Variants in CNTN4 observed in about 807,000 individuals in gnomAD.
CNTN4 encodes the protein contactin 4, also known as contactin-4.
CNTN4 carries 77 observed loss-of-function variants against 122.5 expected under a neutral mutation model. The observed-to-expected ratio is 0.63, with a 90% CI of 0.52 to 0.76. The LOEUF is 0.76. CNTN4 is among the 30% of genes least tolerant of loss of function. The pLI is 0.00. For missense variants in CNTN4, 1,256 were observed against 1,259.1 expected, an observed-to-expected ratio of 1.00 and a Z score of 0.04; for synonymous variants, 512 against 447.0, an observed-to-expected ratio of 1.15 and a Z score of -1.83.
chr3:2,930,531 G>C (rs904463217), intron 13 of CNTN4, among the ~76,000 whole-genome samples: 3 of 152,192 alleles, frequency 2.0e-5, no homozygotes, highest in Non-Finnish European at 4.4e-5. Flanking sequence ...CATTAATGTT[G>C]AGTAAATAAA....
rs537417717 is a variant in CNTN4, at chr3:2,620,268, G to A, written c.55+48710G>A. On this transcript the variant is annotated intron_variant, in intron 4 of 24. Transcript: ENST00000418658. ...TAATCTCAGCACTTGAGGAAGCTGA[G>A]GTAGGTGGATTGCCTGAGCACACGA... 3.9e-4 allele frequency among the ~76,000 whole-genome samples: 59 copies of A among 152,284 alleles called. 1 individual carries two copies. In the South Asian group the frequency reaches 0.012, roughly 32 times the overall value.
chr3:2,326,637 G>A (rs551716628), intron 2 of CNTN4, among the ~76,000 whole-genome samples: 2 of 152,220 alleles, frequency 1.3e-5, no homozygotes, highest in South Asian at 4.1e-4. Context: ...AACTTCTTCA[G>A]TCTGAGAACT....
At chr3:2,334,793 A>G (rs1326320086) in intron 2 of CNTN4, among the ~76,000 whole-genome samples, 1 of 152,196 alleles carries the variant, frequency 6.6e-6, no homozygotes, top group African/African-American at 2.4e-5. Context: ...TATGTCTGTG[A>G]GAATTGAAAG....
chr3:3,031,886 A>G (rs1699197895), intron 16 of CNTN4, among the ~76,000 whole-genome samples: 1 of 152,196 alleles, frequency 6.6e-6, no homozygotes, highest in African/African-American at 2.4e-5. Context: ...CTTCGAACGC[A>G]AGAAAATAAA....
At chr3:2,275,390 G>A (rs1464007765) in intron 2 of CNTN4, among the ~76,000 whole-genome samples, 4 of 152,010 alleles carry the variant, frequency 2.6e-5, no homozygotes, top group East Asian at 1.9e-4. Flanking sequence ...ATCTTTTATC[G>A]GCACTACAGT....
intron 6 of CNTN4, among the ~76,000 whole-genome samples, chr3:2,778,028 C>T (rs1263548690): frequency 6.6e-6 from 1 of 151,434 alleles, no homozygotes; most frequent in African/African-American, 2.4e-5. Context: ...TCCTGGCTAA[C>T]ACGGTGAAAC....
intron 2 of CNTN4, among the ~76,000 whole-genome samples, chr3:2,115,973 G>T (rs2033322231): frequency 6.6e-6 from 1 of 152,182 alleles, no homozygotes; most frequent in African/African-American, 2.4e-5. Flanking sequence ...GGAACCATGA[G>T]TCTTGGTATT....
intron 8 of CNTN4, among the ~76,000 whole-genome samples, chr3:2,876,654 T>C (rs2093848360): frequency 6.6e-6 from 1 of 152,236 alleles, no homozygotes; most frequent in African/African-American, 2.4e-5. Flanking sequence ...GCACGATGTG[T>C]TGCTGATTTC....
At chr3:2,798,750 C>G (rs1337261012) in intron 6 of CNTN4, among the ~76,000 whole-genome samples, 2 of 152,120 alleles carry the variant, frequency 1.3e-5, no homozygotes, top group Non-Finnish European at 2.9e-5. Context: ...AGCTCAAGTA[C>G]TGCACCCACC....
chr3:2,683,657 T>C (rs2085282185), intron 4 of CNTN4, among the ~76,000 whole-genome samples: 1 of 152,082 alleles, frequency 6.6e-6, no homozygotes, highest in Non-Finnish European at 1.5e-5. Context: ...AAAAAAAAAT[T>C]GTGGAACAGA....
chr3:2,351,023 G>C (rs918720626), intron 3 of CNTN4, among the ~76,000 whole-genome samples: 1 of 152,116 alleles, frequency 6.6e-6, no homozygotes, highest in Non-Finnish European at 1.5e-5. Flanking sequence ...ACAATGTACT[G>C]GTTCCTTGTT....
At chr3:3,012,213 C>T (rs1697300428) in intron 14 of CNTN4, among the ~76,000 whole-genome samples, 1 of 152,086 alleles carries the variant, frequency 6.6e-6, no homozygotes, top group Non-Finnish European at 1.5e-5. Context: ...CTGCATGGTA[C>T]AGGCATCTAT....
At chr3:2,827,392 C>T (rs2093009079) in intron 7 of CNTN4, among the ~76,000 whole-genome samples, 1 of 152,196 alleles carries the variant, frequency 6.6e-6, no homozygotes, top group African/African-American at 2.4e-5. Flanking sequence ...ACAGTTAAAA[C>T]TTCCAGACAC....
At chr3:2,780,083 A>G (rs2091508553) in intron 6 of CNTN4, among the ~76,000 whole-genome samples, 1 of 152,236 alleles carries the variant, frequency 6.6e-6, no homozygotes, top group Admixed American at 6.5e-5. Context: ...GATCAAAGAG[A>G]AAAAGTTAGT....
intron 12 of CNTN4, among the ~76,000 whole-genome samples, chr3:2,917,408 C>A (rs901121521): frequency 2.7e-5 from 4 of 149,600 alleles, no homozygotes; most frequent in Non-Finnish European, 5.9e-5. Context: ...GAAGATTTAG[C>A]AGTATTTTTC....
At chr3:2,509,365 A>G (rs2076820685) in intron 3 of CNTN4, among the ~76,000 whole-genome samples, 1 of 152,238 alleles carries the variant, frequency 6.6e-6, no homozygotes, top group Admixed American at 6.5e-5. Flanking sequence ...TAATATCTGA[A>G]GAAAAAAAGA....
chr3:2,994,613 A>ATATATG (rs370506181), intron 14 of CNTN4, among the ~76,000 whole-genome samples: 51 of 142,212 alleles, frequency 3.6e-4, no homozygotes, highest in African/African-American at 1.1e-3. Context: ...ATATATATAT[A>ATATATG]TGTGTGTATA....
At chr3:2,113,662 C>T (rs529632461) in intron 2 of CNTN4, among the ~76,000 whole-genome samples, 1 of 148,098 alleles carries the variant, frequency 6.8e-6, no homozygotes, top group South Asian at 2.2e-4. Context: ...TGAGTTTGGC[C>T]AAATGATGAT....
At chr3:2,896,945 T>G (rs1291817116) in intron 10 of CNTN4, among the ~76,000 whole-genome samples, 1 of 151,840 alleles carries the variant, frequency 6.6e-6, no homozygotes, top group Non-Finnish European at 1.5e-5. Context: ...TTTTTTTTTT[T>G]TTTTGCTATC....
Sources: gnomAD v4.1 joint callset for allele counts (sites outside exome capture counted in the v4.1 genomes callset) on GRCh38, gnomAD v4.1.1 for gene constraint, MANE v1.5 for transcripts, NCBI Gene and HGNC (gene_info 2026-07-23, HGNC 2026-07-21) for gene names.